The following FBXO38 variants were observed in gnomAD, a reference collection of about 807,000 sequenced individuals.
FBXO38 encodes the protein F-box only protein 38.
Under a neutral mutation model 131.9 loss-of-function variants are expected in FBXO38, and 53 were observed. The ratio of observed to expected loss-of-function variants is 0.40; its 90% CI spans 0.32 to 0.51. FBXO38 has a LOEUF of 0.51. FBXO38 is among the 20% of genes least tolerant of loss of function. The pLI is 0.53. For synonymous variants in FBXO38, 452 were observed against 505.6 expected, an observed-to-expected ratio of 0.89 and a Z score of 1.42; for missense variants, 1,076 against 1,475.6, an observed-to-expected ratio of 0.73 and a Z score of 4.44.
chr5:148,425,365 A>G (rs1382267467), intron 13 of FBXO38, among the ~76,000 whole-genome samples, 157 bp from the exon 14 acceptor site: 2 of 152,190 alleles, frequency 1.3e-5, no homozygotes, highest in Non-Finnish European at 2.9e-5. Flanking sequence ...CTTTCACAGT[A>G]TCTTATCCAA....
chr5:148,433,922 T>C (rs1754188910), intron 17 of FBXO38, 185 bp downstream of exon 17: 1 of 401,544 alleles, frequency 2.5e-6, no homozygotes, highest in Admixed American at 4.3e-5. Flanking sequence ...GAGCATCATA[T>C]ATAGAAACTT....
In FBXO38 at chr5:148,439,749, G is replaced by A; in HGVS notation, c.3127G>A (p.Val1043Met). The change falls in exon 19 of 22, where the codon GTG (valine) becomes ATG (methionine). Residue 1043 changes from valine to methionine, a missense_variant. Val to Met is a conservative substitution (Grantham distance 21). Coordinates refer to ENST00000340253, the MANE Select transcript of FBXO38 (RefSeq NM_205836.3). ...TAACCCTCCCAATGTCCGGAATAAGGTGCGCATTCGCAGCTGGATGGACAC... is the reference window on the plus strand; with the variant it reads ...TAACCCTCCCAATGTCCGGAATAAGATGCGCATTCGCAGCTGGATGGACAC... Reference protein sequence around the residue: ...FSNPPNVRNKVRIRSWMDTIA... With the variant: ...FSNPPNVRNKMRIRSWMDTIA... The A allele has an allele frequency of 6.2e-7, 1 of 1,614,058 alleles. No homozygotes were observed. Among genetic ancestry groups the A allele is most frequent in the Non-Finnish European group, 8.5e-7 (1 of 1,179,950 alleles).
At chr5:148,399,606 T>C (rs891722254) in intron 3 of FBXO38, 1 of 153,446 alleles carries the variant, frequency 6.5e-6, no homozygotes, top group African/African-American at 2.4e-5. Flanking sequence ...TAGTAGGTCT[T>C]GGAGATTCTC....
intron 14 of FBXO38, among the ~76,000 whole-genome samples, chr5:148,426,277 T>C (rs958764375): frequency 6.6e-6 from 1 of 152,230 alleles, no homozygotes; most frequent in Non-Finnish European, 1.5e-5. Flanking sequence ...CTTACCACTT[T>C]TAGCAAAAGA....
Position 148,389,117 on chromosome 5 carries a change from G to A in FBXO38, c.-64+5078G>A, listed in dbSNP as rs1758063831. On this transcript the variant is annotated intron_variant, in intron 1 of 21. Coordinates refer to ENST00000340253, the MANE Select transcript of FBXO38 (RefSeq NM_205836.3). ...GAACAGCTAGCCAGTGGAGCAGTTA[G>A]AACGACACCATATTTATCAATCAAG... Among the ~76,000 whole-genome samples the A allele has an allele frequency of 2.0e-5, 3 of 152,324 alleles. No individual in the cohort carries two copies. In the South Asian group the frequency reaches 6.2e-4, roughly 32 times the overall value.
chr5:148,404,683 A>G lies in FBXO38; in HGVS notation c.593-2A>G. ...TTGTTCTTTTTTATATTTGTGTTTTAGGGGTGAATGTTCCTGAAATTCCTT... is the reference window on the plus strand; with the variant it reads ...TTGTTCTTTTTTATATTTGTGTTTTGGGGGTGAATGTTCCTGAAATTCCTT... On this transcript the variant is annotated splice_acceptor_variant, in intron 5 of 21. Transcript: ENST00000340253. LOFTEE classifies it high-confidence loss of function. 6.4e-7 allele frequency: 1 copy of G among 1,560,890 alleles called. No individual in the cohort carries two copies. Among genetic ancestry groups the G allele is most frequent in the South Asian group, 1.2e-5 (1 of 81,252 alleles).
chr5:148,425,511 T>C lies in FBXO38; in HGVS notation c.1739-11T>C, dbSNP rs1460244560. 2.5e-6 allele frequency: 4 copies of C among 1,593,658 alleles called. No homozygotes were observed. The highest frequency in any genetic ancestry group is 2.7e-5 in the African/African-American group (2 of 74,098). On this transcript the variant is annotated splice_polypyrimidine_tract_variant and intron_variant, in intron 13 of 21. Coordinates refer to ENST00000340253, the MANE Select transcript of FBXO38 (RefSeq NM_205836.3). ...CAAAAAGTAACTGTTAGGCCTGTGC[T>C]TTTTTTTAAGGACCCAGTGGTCTTC...
At position 148,442,396 on chromosome 5, in the gene FBXO38, A is replaced by G. The variant is rs748596275; in HGVS notation, c.*249A>G. 1.1e-5 allele frequency: 3 copies of G among 280,700 alleles called. No homozygotes were observed. The highest frequency in any genetic ancestry group is 2.2e-5 in the African/African-American group (1 of 45,914). 17.4% of individuals were successfully genotyped at this position (280,700 alleles called of 1,614,324 possible). A position where few individuals can be genotyped will look rare whatever the true frequency, so the allele number is the denominator to read the frequency against. ...TTTAATTTAAAAATTCATTTTAAGG[A>G]AGACAGATAATTTGAAAGACTTTTG... On this transcript the variant is annotated 3_prime_UTR_variant, in exon 22 of 22. Transcript: ENST00000340253.
chr5:148,396,299 A>G (rs1020816008), intron 2 of FBXO38, among the ~76,000 whole-genome samples: 27 of 152,188 alleles, frequency 1.8e-4, no homozygotes, highest in African/African-American at 9.7e-5. Flanking sequence ...GTTCAATTAC[A>G]TTCTAAAATG....
intron 7 of FBXO38, among the ~76,000 whole-genome samples, chr5:148,408,431 A>G (rs997874112): frequency 7.9e-5 from 12 of 152,234 alleles, no homozygotes; most frequent in African/African-American, 2.4e-4. Context: ...AAGATTGTTC[A>G]TAGAAGCACT....
chr5:148,391,899 C>T (rs1371945190), intron 1 of FBXO38, among the ~76,000 whole-genome samples: 4 of 152,058 alleles, frequency 2.6e-5, no homozygotes, highest in African/African-American at 9.7e-5. Flanking sequence ...TGTATGCAGA[C>T]ACAGTATATT....
chr5:148,394,759 A>G lies in FBXO38; in HGVS notation c.-18A>G, dbSNP rs748937289. On this transcript the variant is annotated 5_prime_UTR_variant, in exon 2 of 22. In the 5' UTR this introduces an upstream ATG that the reference lacks. Transcript: ENST00000340253. ...CAAAAGGGAAGATTTTCTCGTTGAT[A>G]CTGGAGACTGCACAACAATGGGGCC... is the stretch of plus-strand genomic sequence containing the variant. The G allele has an allele frequency of 5.2e-6, 8 of 1,527,864 alleles. No individual in the cohort carries two copies. The highest frequency in any genetic ancestry group is 1.4e-5 in the African/African-American group (1 of 70,808). The allele number at this position is 1,527,864 out of a possible 1,614,324, so 94.6% of individuals were successfully genotyped here.
At chr5:148,403,349 A>G (rs1284207472) in intron 5 of FBXO38, among the ~76,000 whole-genome samples, 1 of 152,166 alleles carries the variant, frequency 6.6e-6, no homozygotes, top group African/African-American at 2.4e-5. Flanking sequence ...ATTAATAAAA[A>G]TAAACATTAC....
intron 7 of FBXO38, among the ~76,000 whole-genome samples, chr5:148,407,735 T>C (rs2113552802): frequency 6.6e-6 from 1 of 152,144 alleles, no homozygotes; most frequent in Admixed American, 6.5e-5. Flanking sequence ...CCATCCTGGC[T>C]AACGTGGTGA....
intron 10 of FBXO38, 22 bp downstream of exon 10, chr5:148,414,328 A>G: frequency 6.4e-7 from 1 of 1,550,470 alleles, no homozygotes; most frequent in Non-Finnish European, 8.7e-7. Context: ...TTAAAAATAC[A>G]GCTATGTTTT....
chr5:148,441,864 A>T (rs751392628), intron 21 of FBXO38, 105 bp from the exon 22 acceptor site: 2 of 846,994 alleles, frequency 2.4e-6, no homozygotes, highest in African/African-American at 3.5e-5. Flanking sequence ...CATCAGTTAC[A>T]TTATAGTGCA....
Position 148,438,253 on chromosome 5 carries a change from A to G in FBXO38, c.2858-79A>G, listed in dbSNP as rs1754463151. 2.5e-6 allele frequency: 3 copies of G among 1,221,472 alleles called. No individual in the cohort carries two copies. In the South Asian group the frequency reaches 4.2e-5, roughly 17 times the overall value. The allele number at this position is 1,221,472 out of a possible 1,614,324, so 75.7% of individuals were successfully genotyped here. A position where few individuals can be genotyped will look rare whatever the true frequency, so the allele number is the denominator to read the frequency against. ...CTCTGTTAAAGATGTTTGTTACTGC[A>G]GTATTTTGTGCCAACAAAAATTAGG... On this transcript the variant is annotated intron_variant, in intron 17 of 21. Coordinates refer to ENST00000340253, the MANE Select transcript of FBXO38 (RefSeq NM_205836.3).
At chr5:148,390,759 C>T (rs1758157220) in intron 1 of FBXO38, among the ~76,000 whole-genome samples, 3 of 152,042 alleles carry the variant, frequency 2.0e-5, no homozygotes, top group South Asian at 2.1e-4. Flanking sequence ...TAAAAATTTA[C>T]GTATAGTTTG....
At chr5:148,388,789 G>A (rs868429015) in intron 1 of FBXO38, among the ~76,000 whole-genome samples, 12 of 152,216 alleles carry the variant, frequency 7.9e-5, no homozygotes, top group Non-Finnish European at 1.3e-4. Context: ...GCAATAGGCT[G>A]TCTTGCTTTC....
Sources: gnomAD v4.1 joint callset for allele counts (sites outside exome capture counted in the v4.1 genomes callset) on GRCh38, gnomAD v4.1.1 for gene constraint, MANE v1.5 for transcripts, NCBI Gene and HGNC (gene_info 2026-07-23, HGNC 2026-07-21) for gene names.